Variants in PROX2 observed in about 807,000 individuals in gnomAD.
The protein encoded by PROX2 is prospero homeobox 2, also known as prospero homeobox protein 2.
In PROX2, 46 loss-of-function variants were observed where a neutral mutation model predicts 48.9. The ratio of observed to expected loss-of-function variants is 0.94; its 90% CI spans 0.74 to 1.20. PROX2 has a LOEUF of 1.20. Among genes scored for constraint, PROX2 ranks in the 50% most tolerant of loss-of-function variants. The pLI is 0.00. For synonymous variants in PROX2, 260 were observed against 276.6 expected (o/e 0.94, Z 0.60); for missense variants, 663 against 719.4 (o/e 0.92, Z 0.90).
At chr14:74,867,116 C>T (rs758602149) in intron 2 of PROX2, among the ~76,000 whole-genome samples, 1 of 152,156 alleles carries the variant, frequency 6.6e-6, no homozygotes, top group Non-Finnish European at 1.5e-5. Flanking sequence ...ATGACATTGC[C>T]ACTGGTATTA....
chr14:74,862,860 A>G lies in PROX2; in HGVS notation c.975T>C (p.Cys325=), dbSNP rs1294880339. 6.2e-7 allele frequency: 1 copy of G among 1,613,916 alleles called. No homozygotes were observed. The highest frequency in any genetic ancestry group is 1.1e-5 in the South Asian group (1 of 91,080). ...PIPPRMTPKP[C]QDPPANFPLT... ...AGGGAAAGTTTGCTGGGGGATCCTG[A>G]CAGGGTTTGGGGGTCATTCTTGGAG... The change falls in exon 3 of 6, where the codon TGT becomes TGC. Residue 325 remains cysteine (C), a synonymous_variant. Coordinates refer to ENST00000556489, the MANE Select transcript of PROX2 (RefSeq NM_001243007.2).
In PROX2 at chr14:74,856,944, C is replaced by T. The variant is rs767954765; in HGVS notation, c.1465G>A (p.Glu489Lys). The T allele has an allele frequency of 4.3e-6, 7 of 1,613,874 alleles. No homozygotes were observed. In the East Asian group the frequency reaches 8.9e-5, roughly 21 times the overall value. ...QMIKWFSNFR[E>K]FYYIQMEKSA... Reference sequence around the variant, plus strand: ...TTTTCCATTTGGATGTAATAAAACTCACGAAAGTTGCTGAACCACTTGATC... The same window carrying T: ...TTTTCCATTTGGATGTAATAAAACTTACGAAAGTTGCTGAACCACTTGATC... Residue 489 changes from glutamate to lysine, a missense_variant, in exon 5 of 6, where the codon GAG becomes AAG. By Grantham distance (56) the Glu-to-Lys change is moderately conservative. Coordinates refer to ENST00000556489, the MANE Select transcript of PROX2 (RefSeq NM_001243007.2).
chr14:74,860,861 A>G (rs993191115), intron 3 of PROX2, among the ~76,000 whole-genome samples: 1 of 152,186 alleles, frequency 6.6e-6, no homozygotes, highest in Non-Finnish European at 1.5e-5. Flanking sequence ...TGCTCAACAA[A>G]TAGCAAATTC....
intron 1 of PROX2, among the ~76,000 whole-genome samples, chr14:74,874,632 A>G (rs1258439230): frequency 6.6e-6 from 1 of 152,202 alleles, no homozygotes; most frequent in Non-Finnish European, 1.5e-5. Flanking sequence ...CCAAAACAAA[A>G]GTAGTTTAAA....
At chr14:74,864,616 C>T (rs368667790) in intron 2 of PROX2, among the ~76,000 whole-genome samples, 2 of 150,352 alleles carry the variant, frequency 1.3e-5, no homozygotes, top group African/African-American at 2.4e-5. Flanking sequence ...CCGAGGCAGG[C>T]GGATCACCTG....
chr14:74,865,065 A>C (rs1239575521), intron 2 of PROX2, among the ~76,000 whole-genome samples: 1 of 151,376 alleles, frequency 6.6e-6, no homozygotes, highest in African/African-American at 2.4e-5. Context: ...GAATCACTTG[A>C]ACCCAGGAGG....
intron 4 of PROX2, chr14:74,857,723 C>CCT (rs899025969): frequency 2.0e-5 from 3 of 150,434 alleles, no homozygotes; most frequent in Admixed American, 6.6e-5. Flanking sequence ...TCTCTCTCTC[C>CCT]CTCTCTATAT....
At position 74,862,626 on chromosome 14, in the gene PROX2, A is replaced by T; in HGVS notation, c.1209T>A (p.Ser403=). 1 of 1,614,012 alleles carries T rather than the reference A, an allele frequency of 6.2e-7. No individual in the cohort carries two copies. The highest frequency in any genetic ancestry group is 1.1e-5 in the South Asian group (1 of 91,086). ...GAAGGGGTAGACTTTCCAGATGGGC[A>T]GAGGTGAAAGGCAAGGGACACTGCT... ...SQQQCPLPFT[S]AHLESLPLLP... is the part of the protein sequence containing the mutation. The change falls in exon 3 of 6, where the codon TCT becomes TCA. Residue 403 remains serine (S), a synonymous_variant. Coordinates refer to ENST00000556489, the MANE Select transcript of PROX2 (RefSeq NM_001243007.2).
At chr14:74,858,839 G>A (rs1446120938) in intron 3 of PROX2, 1 of 198,878 alleles carries the variant, frequency 5.0e-6, no homozygotes, top group East Asian at 1.3e-4. Context: ...ACAGGTTGGT[G>A]TATTGTGTGT....
At chr14:74,859,782 G>A (rs1321030731) in intron 3 of PROX2, among the ~76,000 whole-genome samples, 1 of 152,128 alleles carries the variant, frequency 6.6e-6, no homozygotes, top group Admixed American at 6.5e-5. Flanking sequence ...GGTGGCCCAG[G>A]CACCTAGTTG....
rs770252889 is a variant in PROX2, at chr14:74,863,661, A to G, written c.174T>C (p.Asp58=). Reference sequence around the variant, plus strand: ...TGGCCCTCTTTGCCTGGATGTGCTCATCACCAAACCATTCGGGGTCTGTAG... The same window carrying G: ...TGGCCCTCTTTGCCTGGATGTGCTCGTCACCAAACCATTCGGGGTCTGTAG... ...SSPTDPEWFG[D]EHIQAKRARV... Residue 58 remains aspartate (D), a synonymous_variant, in exon 3 of 6, where the codon GAT becomes GAC. Coordinates refer to ENST00000556489, the MANE Select transcript of PROX2 (RefSeq NM_001243007.2). 35 of 1,569,486 alleles carry G rather than the reference A, an allele frequency of 2.2e-5. No individual in the cohort carries two copies. In the Admixed American group the frequency reaches 5.5e-4, roughly 25 times the overall value.
rs1010606417 is a variant in PROX2, at chr14:74,854,873, T to A, written c.*259A>T. On this transcript the variant is annotated 3_prime_UTR_variant, in exon 6 of 6. Transcript: ENST00000556489. ...CACCTGGAAACAATGGAGTTGAGCT[T>A]CAAGTCTTCTGATTGGAAACTTGTG... is the stretch of plus-strand genomic sequence containing the variant. The A allele has an allele frequency of 3.4e-5, 9 of 264,434 alleles. No homozygotes were observed. Among genetic ancestry groups the A allele is most frequent in the African/African-American group, 2.0e-4 (9 of 45,528 alleles). 16.4% of individuals were successfully genotyped at this position (264,434 alleles called of 1,614,324 possible). A position where few individuals can be genotyped will look rare whatever the true frequency, so the allele number is the denominator to read the frequency against.
At chr14:74,875,413 G>T (rs1017539457) in intron 1 of PROX2, among the ~76,000 whole-genome samples, 1 of 152,306 alleles carries the variant, frequency 6.6e-6, no homozygotes, top group Middle Eastern at 3.4e-3. Flanking sequence ...CAGCTGCAAT[G>T]CCTCCTTGCT....
At chr14:74,858,778 T>TTGTGTGTG (rs3083647) in intron 3 of PROX2, 22,627 of 214,230 alleles carry the variant, frequency 0.11, 2,292 homozygotes, top group African/African-American at 0.19. Context: ...TTGGTGTATT[T>TTGTGTGTG]TGTGTGTGTG....
intron 3 of PROX2, among the ~76,000 whole-genome samples, chr14:74,862,320 G>A (rs2091800314): frequency 6.6e-6 from 1 of 152,202 alleles, no homozygotes; most frequent in Admixed American, 6.5e-5. Context: ...TCCTGCCTCA[G>A]CCTCCTGAGT....
rs1408799472 is a variant in PROX2, at chr14:74,863,533, T to C, written c.302A>G (p.Glu101Gly). 3 of 1,613,446 alleles carry C rather than the reference T, an allele frequency of 1.9e-6. No homozygotes were observed. In the African/African-American group the frequency reaches 4.0e-5, roughly 22 times the overall value. The change falls in exon 3 of 6, where the codon GAG becomes GGG. Residue 101 changes from glutamate (E) to glycine (G), a missense_variant. Coordinates refer to ENST00000556489, the MANE Select transcript of PROX2 (RefSeq NM_001243007.2). ...VSPRCPKKAR[E>G]RKRKQNLPTP... ...GGGAAGGTTCTGCTTCCTCTTCCTC[T>C]CTCGGGCCTTCTTTGGGCAGCGTGG...
In PROX2 at chr14:74,876,106, A is replaced by G. The variant is rs968466432; in HGVS notation, c.-521T>C. ...CTCTGGCCCCTTCTTAGCACAAGGC[A>G]CTGTCTGACAGACCCAGTCTTGCTG... On this transcript the variant is annotated 5_prime_UTR_variant, in exon 1 of 6. Coordinates refer to ENST00000556489, the MANE Select transcript of PROX2 (RefSeq NM_001243007.2). Among the ~76,000 whole-genome samples the G allele has an allele frequency of 2.6e-5, 4 of 152,214 alleles. No individual in the cohort carries two copies. The highest frequency in any genetic ancestry group is 9.6e-5 in the African/African-American group (4 of 41,454).
At chr14:74,859,610 A>C (rs534580949) in intron 3 of PROX2, among the ~76,000 whole-genome samples, 1 of 152,370 alleles carries the variant, frequency 6.6e-6, no homozygotes, top group East Asian at 1.9e-4. Context: ...TTACACAAAT[A>C]CGCTTTGCAT....
chr14:74,856,284 C>T (rs553425599), intron 5 of PROX2: 2 of 153,984 alleles, frequency 1.3e-5, no homozygotes, highest in East Asian at 3.8e-4. Flanking sequence ...TCATAGGGAT[C>T]CCCGAGGGAC....
Sources: gnomAD v4.1 joint callset for allele counts (sites outside exome capture counted in the v4.1 genomes callset) on GRCh38, gnomAD v4.1.1 for gene constraint, MANE v1.5 for transcripts, NCBI Gene and HGNC (gene_info 2026-07-23, HGNC 2026-07-21) for gene names.